ZNF415: variants seen among roughly 807,000 people sequenced by gnomAD.
The protein encoded by ZNF415 is zinc finger protein 415.
In ZNF415, 5 loss-of-function variants were observed where a neutral mutation model predicts 7.3. The ratio of observed to expected loss-of-function variants is 0.69; its 90% CI spans 0.36 to 1.44. The LOEUF (loss-of-function observed/expected upper bound fraction) is 1.44, where lower values mean the gene tolerates loss of function less well. ZNF415 is among the 40% of genes most tolerant of loss of function. The probability of loss-of-function intolerance (pLI) is 0.04; values close to 1 mark genes in which losing one functional copy is unlikely to be tolerated. For synonymous variants in ZNF415, 207 were observed against 226.3 expected (o/e 0.91, Z 0.77); for missense variants, 628 against 664.8 (o/e 0.94, Z 0.61).
At chr19:53,121,681 C>T (rs1405071694) in intron 2 of ZNF415, among the ~76,000 whole-genome samples, 1 of 151,886 alleles carries the variant, frequency 6.6e-6, no homozygotes, top group East Asian at 2.0e-4. Flanking sequence ...CCTCGGCCTC[C>T]AAAGTGCTGG....
intron 1 of ZNF415, among the ~76,000 whole-genome samples, chr19:53,128,984 G>A (rs1189406963): frequency 1.3e-5 from 2 of 150,970 alleles, no homozygotes; most frequent in Non-Finnish European, 3.0e-5. Flanking sequence ...GGTGATGGAT[G>A]CGGAGACAGT....
chr19:53,130,252 A>C (rs780723311), intron 1 of ZNF415, among the ~76,000 whole-genome samples: 1 of 152,200 alleles, frequency 6.6e-6, no homozygotes, highest in Non-Finnish European at 1.5e-5. Flanking sequence ...TTTCCATGTT[A>C]AGGTAAAAAC....
intron 3 of ZNF415, chr19:53,115,454 G>T: frequency 2.0e-6 from 1 of 510,190 alleles, no homozygotes; most frequent in Non-Finnish European, 3.5e-6. Flanking sequence ...ACGGAAGTCA[G>T]AGGGCAATGC....
chr19:53,122,443 A>T lies in ZNF415; in HGVS notation c.15+219T>A, dbSNP rs1601221175. ...TGTCTGGGTGTGAGCCCTTCCCAGG[A>T]CCATGCCCAGTGGACTCTTCAGAAG... On this transcript the variant is annotated intron_variant, in intron 2 of 3. Transcript: ENST00000243643. 4 of 1,539,930 alleles carry T rather than the reference A, an allele frequency of 2.6e-6. No homozygotes were observed. The East Asian group carries it at 9.7e-5, about 37-fold the overall frequency.
intron 1 of ZNF415, among the ~76,000 whole-genome samples, chr19:53,129,120 G>C (rs189949278): frequency 1.1e-4 from 17 of 152,280 alleles, no homozygotes; most frequent in African/African-American, 4.1e-4. Flanking sequence ...CGATCATTTA[G>C]GGACATAGGG....
chr19:53,129,634 T>A (rs1474043963), intron 1 of ZNF415: 3 of 399,294 alleles, frequency 7.5e-6, no homozygotes, highest in Non-Finnish European at 1.3e-5. Context: ...TCACTGAGGC[T>A]GAGAGAGGGA....
At position 53,108,823 on chromosome 19, in the gene ZNF415, C is replaced by T; in HGVS notation, c.1222G>A (p.Gly408Arg). ...SLARHWRIHTGEKPYKCNECG... is the reference protein window; with the variant it reads ...SLARHWRIHTREKPYKCNECG... The stretch of plus-strand genomic sequence containing the variant: ...TCATTGCATTTGTAAGGTTTCTCTC[C>T]AGTATGAATTCTCCAATGCCTTGCA... The change falls in exon 4 of 4, where the codon GGA becomes AGA. Residue 408 changes from glycine to arginine, a missense_variant. Physicochemically the swap from Gly to Arg is moderately radical, Grantham distance 125. Coordinates refer to ENST00000243643, the MANE Select transcript of ZNF415 (RefSeq NM_018355.4). 3 of 1,614,040 alleles carry T rather than the reference C, an allele frequency of 1.9e-6. No homozygotes were observed. Among genetic ancestry groups the T allele is most frequent in the Non-Finnish European group, 2.5e-6 (3 of 1,179,968 alleles).
At chr19:53,131,916 G>A (rs2090123952) in intron 1 of ZNF415, among the ~76,000 whole-genome samples, 1 of 151,206 alleles carries the variant, frequency 6.6e-6, no homozygotes, top group African/African-American at 2.4e-5. Flanking sequence ...CCTTGTCATC[G>A]GCTGCCCCCT....
At chr19:53,115,058 G>A (rs912493805) in intron 3 of ZNF415, among the ~76,000 whole-genome samples, 5 of 152,080 alleles carry the variant, frequency 3.3e-5, no homozygotes, top group East Asian at 1.9e-4. Context: ...GAGACCGGCC[G>A]GGCGCGGCAG....
At chr19:53,126,643 C>A (rs1379660858) in intron 1 of ZNF415, among the ~76,000 whole-genome samples, 3 of 130,266 alleles carry the variant, frequency 2.3e-5, no homozygotes, top group African/African-American at 7.6e-5. Context: ...GCATTAGTTT[C>A]CCATCATAGA....
intron 1 of ZNF415, 105 bp from the exon 2 acceptor site, chr19:53,122,848 G>A (rs1012448894): frequency 8.3e-6 from 7 of 843,270 alleles, no homozygotes; most frequent in African/African-American, 1.7e-5. Context: ...GTGCAAAGAC[G>A]GTCCTCTGCC....
chr19:53,116,124 T>G (rs1289716635), intron 3 of ZNF415, 189 bp downstream of exon 3: 2 of 689,832 alleles, frequency 2.9e-6, no homozygotes, highest in East Asian at 5.2e-5. Flanking sequence ...TGTTGTATCA[T>G]GAAGGGGTCA....
At chr19:53,115,687 C>T in intron 3 of ZNF415, 8 of 1,535,398 alleles carry the variant, frequency 5.2e-6, no homozygotes, top group Non-Finnish European at 7.1e-6. Flanking sequence ...TTCCTCTCCC[C>T]TCATCTGAGG....
chr19:53,115,525 C>A (rs2086887578), intron 3 of ZNF415, among the ~76,000 whole-genome samples: 1 of 152,100 alleles, frequency 6.6e-6, no homozygotes, highest in Non-Finnish European at 1.5e-5. Context: ...CACTGGACAG[C>A]AAAAGGATCA....
chr19:53,126,530 T>C lies in ZNF415; in HGVS notation c.-67-3787A>G, dbSNP rs2089151184. 5.8e-5 allele frequency among the ~76,000 whole-genome samples: 8 copies of C among 137,478 alleles called. No individual in the cohort carries two copies. In the South Asian group the frequency reaches 1.9e-3, roughly 33 times the overall value. The allele number at this position is 137,478 out of a possible 152,430, so 90.2% of individuals were successfully genotyped here. On this transcript the variant is annotated intron_variant, in intron 1 of 3. Coordinates refer to ENST00000243643, the MANE Select transcript of ZNF415 (RefSeq NM_018355.4). ...TGCAGAACTGCAGGAAGTGAGAGTC[T>C]GAACAGAGCAGCAGAAAGGCAGGCA... is the stretch of plus-strand genomic sequence containing the variant.
intron 1 of ZNF415, chr19:53,123,487 A>G: frequency 2.5e-6 from 1 of 398,682 alleles, no homozygotes; most frequent in Non-Finnish European, 4.4e-6. Flanking sequence ...CTGGGGAAGG[A>G]GGGGTGTTTG....
intron 1 of ZNF415, among the ~76,000 whole-genome samples, chr19:53,125,831 G>C (rs775289346): frequency 6.6e-6 from 1 of 151,908 alleles, no homozygotes; most frequent in Non-Finnish European, 1.5e-5. Flanking sequence ...CCAGCTACTT[G>C]GGAGGCTGGG....
chr19:53,115,864 G>C (rs143933836), intron 3 of ZNF415: 2 of 1,413,368 alleles, frequency 1.4e-6, no homozygotes, highest in African/African-American at 1.4e-5. Flanking sequence ...ATGATGTGCT[G>C]TGGCTTTTCA....
chr19:53,132,382 A>G (rs1333183500), intron 1 of ZNF415, among the ~76,000 whole-genome samples: 2 of 152,070 alleles, frequency 1.3e-5, no homozygotes, highest in African/African-American at 2.4e-5. Flanking sequence ...GCGCGGGCTC[A>G]GGGGAGGCCT....
Sources: gnomAD v4.1 joint callset for allele counts (sites outside exome capture counted in the v4.1 genomes callset) on GRCh38, gnomAD v4.1.1 for gene constraint, MANE v1.5 for transcripts, NCBI Gene and HGNC (gene_info 2026-07-23, HGNC 2026-07-21) for gene names.